LEKR1: variants seen among roughly 807,000 people sequenced by gnomAD.
The protein encoded by LEKR1 is leucine, glutamate and lysine rich 1, also known as protein LEKR1.
Under a neutral mutation model 72.4 loss-of-function variants are expected in LEKR1, and 59 were observed. The ratio of observed to expected loss-of-function variants is 0.82; its 90% CI spans 0.66 to 1.01. The LOEUF (loss-of-function observed/expected upper bound fraction) is 1.01, where lower values mean the gene tolerates loss of function less well. LEKR1 is among the 50% of genes least tolerant of loss of function. The probability of loss-of-function intolerance (pLI) is 0.00; values close to 1 mark genes in which losing one functional copy is unlikely to be tolerated. For synonymous variants in LEKR1, 257 were observed against 263.2 expected, an observed-to-expected ratio of 0.98 and a Z score of 0.23; for missense variants, 728 against 759.2, an observed-to-expected ratio of 0.96 and a Z score of 0.48.
intron 5 of LEKR1, among the ~76,000 whole-genome samples, chr3:156,941,156 T>G (rs1199150028): frequency 6.6e-6 from 1 of 151,924 alleles, no homozygotes; most frequent in Non-Finnish European, 1.5e-5. Flanking sequence ...AAATCCCACA[T>G]AAAATAATCA....
At chr3:156,869,644 C>T (rs1717692795) in intron 3 of LEKR1, among the ~76,000 whole-genome samples, 1 of 151,986 alleles carries the variant, frequency 6.6e-6, no homozygotes, top group Non-Finnish European at 1.5e-5. Context: ...TATTTTCTCC[C>T]ATTCAGCAAA....
intron 2 of LEKR1, among the ~76,000 whole-genome samples, chr3:156,841,491 AGAAGTGGGGACACCAAAAGAGGCTCAGC>A (rs1297184053): frequency 6.6e-6 from 1 of 152,214 alleles, no homozygotes; most frequent in Non-Finnish European, 1.5e-5. Context: ...GGCAGTACAG[AGAAGTGGGGACACCAAAAGAGGCTCAGC>A]TGCCTAAGGT....
At chr3:157,044,554 T>A (rs567253756) in intron 12 of LEKR1, among the ~76,000 whole-genome samples, 21 of 152,352 alleles carry the variant, frequency 1.4e-4, no homozygotes, top group Non-Finnish European at 2.8e-4. Context: ...AAGTTCTTCC[T>A]TATTTTAATC....
At chr3:156,981,551 A>C (rs1730200921) in intron 7 of LEKR1, among the ~76,000 whole-genome samples, 1 of 152,204 alleles carries the variant, frequency 6.6e-6, no homozygotes, top group Non-Finnish European at 1.5e-5. Flanking sequence ...GAATTAGGAA[A>C]GATAGAGCCA....
At chr3:156,884,155 T>C (rs1484132640) in intron 3 of LEKR1, among the ~76,000 whole-genome samples, 1 of 152,200 alleles carries the variant, frequency 6.6e-6, no homozygotes, top group Non-Finnish European at 1.5e-5. Flanking sequence ...CTTAAATTTA[T>C]GTCAGTGCTC....
intron 6 of LEKR1, among the ~76,000 whole-genome samples, chr3:156,974,679 T>A (rs1334433920): frequency 1.3e-5 from 2 of 152,140 alleles, no homozygotes; most frequent in Admixed American, 1.3e-4. Context: ...GTACAAAACA[T>A]GCTATCATCC....
At chr3:157,005,307 T>C (rs1732336632) in intron 9 of LEKR1, among the ~76,000 whole-genome samples, 1 of 152,134 alleles carries the variant, frequency 6.6e-6, no homozygotes, top group South Asian at 2.1e-4. Flanking sequence ...ATTGAATTTG[T>C]AATTTAAAAT....
At position 156,988,636 on chromosome 3, in the gene LEKR1, ACCAGTCCCT is replaced by A. The variant is rs1338303425; in HGVS notation, c.828-4013_828-4005del. 5.5e-5 allele frequency: 13 copies of A among 235,524 alleles called. No homozygotes were observed. In the East Asian group the frequency reaches 1.1e-3, roughly 21 times the overall value. The allele number at this position is 235,524 out of a possible 1,614,324, so 14.6% of individuals were successfully genotyped here. A position where few individuals can be genotyped will look rare whatever the true frequency, so the allele number is the denominator to read the frequency against. On this transcript the variant is annotated intron_variant, in intron 7 of 12. Transcript: ENST00000356539. ...TCCTTCCTGGTAAAGGTACTGAAGA[ACCAGTCCCT>A]CCACCAATGCCTCTGCACCCAGCTT... is the stretch of plus-strand genomic sequence containing the variant.
intron 10 of LEKR1, among the ~76,000 whole-genome samples, chr3:157,015,658 G>A (rs942978330): frequency 6.6e-6 from 1 of 152,140 alleles, no homozygotes; most frequent in Non-Finnish European, 1.5e-5. Flanking sequence ...AGTTAACAAT[G>A]TCTGGCATCC....
At chr3:156,844,723 G>A (rs941731231) in intron 2 of LEKR1, among the ~76,000 whole-genome samples, 5 of 152,016 alleles carry the variant, frequency 3.3e-5, no homozygotes, top group African/African-American at 1.2e-4. Flanking sequence ...GTATTCCATG[G>A]TATGAATGTA....
intron 3 of LEKR1, among the ~76,000 whole-genome samples, chr3:156,863,474 C>G (rs1716988977): frequency 6.6e-6 from 1 of 152,006 alleles, no homozygotes; most frequent in Admixed American, 6.6e-5. Flanking sequence ...AGCTTAAGAA[C>G]AGGTTAATTT....
chr3:157,011,463 C>T lies in LEKR1; in HGVS notation c.1160C>T (p.Thr387Ile). 1.2e-6 allele frequency: 2 copies of T among 1,613,170 alleles called. No individual in the cohort carries two copies. The highest frequency in any genetic ancestry group is 3.3e-5 in the Admixed American group (2 of 59,996). ...AAAAGCATCGAGCAGCTGCAAGAAACCCTTAGACAGAAGCTGCTGAGTGAT... is the reference window on the plus strand; with the variant it reads ...AAAAGCATCGAGCAGCTGCAAGAAATCCTTAGACAGAAGCTGCTGAGTGAT... ...HQKSIEQLQE[T>I]LRQKLLSDDN... Residue 387 changes from threonine to isoleucine, a missense_variant, in exon 10 of 13, where the codon ACC (threonine) becomes ATC (isoleucine). By Grantham distance (89) the Thr-to-Ile change is moderately conservative. Coordinates refer to ENST00000356539, the MANE Select transcript of LEKR1 (RefSeq NM_001004316.3).
chr3:156,843,806 G>A (rs1220736940), intron 2 of LEKR1, among the ~76,000 whole-genome samples: 1 of 151,868 alleles, frequency 6.6e-6, no homozygotes, highest in Non-Finnish European at 1.5e-5. Context: ...GTTAGACCTA[G>A]CATCCTGGGA....
At chr3:157,009,824 A>G (rs573478556) in intron 9 of LEKR1, among the ~76,000 whole-genome samples, 1 of 152,166 alleles carries the variant, frequency 6.6e-6, no homozygotes, top group Admixed American at 6.5e-5. Context: ...TTTTGAGGCT[A>G]TTTTAATAGG....
At chr3:156,846,339 T>TTC (rs1404318154) in intron 2 of LEKR1, among the ~76,000 whole-genome samples, 1 of 152,186 alleles carries the variant, frequency 6.6e-6, no homozygotes, top group African/African-American at 2.4e-5. Context: ...TGGCTAGATA[T>TTC]TCTAGCACTA....
chr3:156,873,129 A>T (rs1718151152), intron 3 of LEKR1, among the ~76,000 whole-genome samples: 1 of 151,970 alleles, frequency 6.6e-6, no homozygotes, highest in Non-Finnish European at 1.5e-5. Context: ...TAGAATTGTT[A>T]TATGCTGTTG....
chr3:157,021,712 A>G (rs1344321044), intron 10 of LEKR1, among the ~76,000 whole-genome samples: 3 of 152,182 alleles, frequency 2.0e-5, no homozygotes, highest in African/African-American at 7.2e-5. Context: ...TTTAAAAAAT[A>G]CTTGATACCT....
At chr3:157,028,439 A>G (rs1356979296) in intron 12 of LEKR1, 37 bp downstream of exon 12, 1 of 1,501,182 alleles carries the variant, frequency 6.7e-7, no homozygotes, top group Admixed American at 2.2e-5. Flanking sequence ...CAATTAATCA[A>G]AGAGCACATG....
At chr3:156,934,877 C>T in intron 5 of LEKR1, among the ~76,000 whole-genome samples, 1 of 152,044 alleles carries the variant, frequency 6.6e-6, no homozygotes, top group Non-Finnish European at 1.5e-5. Context: ...ACTATGTTGA[C>T]AGTATTTTAT....
Sources: gnomAD v4.1 joint callset for allele counts (sites outside exome capture counted in the v4.1 genomes callset) on GRCh38, gnomAD v4.1.1 for gene constraint, MANE v1.5 for transcripts, NCBI Gene and HGNC (gene_info 2026-07-23, HGNC 2026-07-21) for gene names.